TACR2: variants seen among roughly 807,000 people sequenced by gnomAD.
TACR2 encodes the protein substance-K receptor.
TACR2 carries 24 observed loss-of-function variants against 28.9 expected under a neutral mutation model. The ratio of observed to expected loss-of-function variants is 0.83; its 90% CI spans 0.60 to 1.17. TACR2 has a LOEUF of 1.17. Among genes scored for constraint, TACR2 ranks in the 50% most tolerant of loss-of-function variants. TACR2 has a pLI of 0.00. For missense variants in TACR2, 487 were observed against 524.4 expected (o/e 0.93, Z 0.70); for synonymous variants, 222 against 212.6 (o/e 1.04, Z -0.38).
chr10:69,408,454 A>AT (rs372162205), intron 3 of TACR2, among the ~76,000 whole-genome samples: 43 of 150,728 alleles, frequency 2.9e-4, no homozygotes, highest in African/African-American at 3.7e-4. Context: ...TGGGAAGTTA[A>AT]TTTTTTTTTG....
chr10:69,409,116 G>A, intron 2 of TACR2, 41 bp from the exon 3 acceptor site: 6 of 1,502,192 alleles, frequency 4.0e-6, no homozygotes, highest in South Asian at 3.9e-5. Flanking sequence ...AGGGCCCGGG[G>A]GCGACTCCGA....
chr10:69,409,771 G>A (rs1549801), intron 2 of TACR2, among the ~76,000 whole-genome samples: 88,410 of 150,206 alleles, frequency 0.59, 26,914 homozygotes, highest in African/African-American at 0.72. Context: ...AGAATTCAGT[G>A]CTATCTGAAG....
At position 69,404,250 on chromosome 10, in the gene TACR2, G is replaced by T. The variant is rs1400008527; in HGVS notation, c.*576C>A. ...TCTGAAGTGCTCTCTGAGATGGGTG[G>T]CTGAGTCCTCTTAAAGTCAGCATCC... On this transcript the variant is annotated 3_prime_UTR_variant, in exon 5 of 5. Transcript: ENST00000373306. 8.5e-5 allele frequency: 13 copies of T among 152,226 alleles called. No homozygotes were observed. The highest frequency in any genetic ancestry group is 6.5e-4 in the Admixed American group (10 of 15,284). The allele number at this position is 152,226 out of a possible 1,614,324, so 9.4% of individuals were successfully genotyped here. A position where few individuals can be genotyped will look rare whatever the true frequency, so the allele number is the denominator to read the frequency against.
chr10:69,409,925 A>ATATG (rs1554827813), intron 2 of TACR2, among the ~76,000 whole-genome samples: 3 of 74,692 alleles, frequency 4.0e-5, no homozygotes, highest in African/African-American at 6.1e-5. Context: ...ATATATATAT[A>ATATG]TATATATATA....
intron 2 of TACR2, among the ~76,000 whole-genome samples, chr10:69,412,278 C>T (rs1213211309): frequency 6.6e-6 from 1 of 152,190 alleles, no homozygotes; most frequent in Non-Finnish European, 1.5e-5. Flanking sequence ...GTAAATCTCT[C>T]TCCTAAAGTC....
intron 4 of TACR2, 50 bp downstream of exon 4, chr10:69,407,034 T>C (rs372537697): frequency 1.9e-6 from 3 of 1,594,990 alleles, no homozygotes; most frequent in Non-Finnish European, 2.6e-6. Context: ...CACCTGGGGC[T>C]GGGCAGTGGG....
chr10:69,413,183 A>T (rs1840583159), intron 2 of TACR2, among the ~76,000 whole-genome samples: 1 of 152,134 alleles, frequency 6.6e-6, no homozygotes, highest in Non-Finnish European at 1.5e-5. Context: ...AATTACACAC[A>T]GTTACATGAG....
At chr10:69,409,150 G>C (rs572420812) in intron 2 of TACR2, 75 bp from the exon 3 acceptor site, 2 of 1,394,148 alleles carry the variant, frequency 1.4e-6, no homozygotes, top group Non-Finnish European at 1.9e-6. Context: ...CTGGTCCTGG[G>C]ACCCCGCGGG....
chr10:69,415,266 G>T, intron 1 of TACR2, 127 bp from the exon 2 acceptor site: 1 of 1,067,238 alleles, frequency 9.4e-7, no homozygotes, highest in Non-Finnish European at 1.3e-6. Context: ...GCCATCTGCT[G>T]ATATCATAGT....
intron 1 of TACR2, among the ~76,000 whole-genome samples, chr10:69,415,594 C>A (rs768019540): frequency 2.0e-5 from 3 of 152,158 alleles, no homozygotes; most frequent in African/African-American, 7.2e-5. Context: ...TAAGACATAT[C>A]TTTGGAGTGA....
At chr10:69,411,581 A>G (rs1468015175) in intron 2 of TACR2, among the ~76,000 whole-genome samples, 1 of 152,018 alleles carries the variant, frequency 6.6e-6, no homozygotes, top group Non-Finnish European at 1.5e-5. Context: ...CTATTGTAAA[A>G]CCTAAGATCA....
At chr10:69,406,786 C>T (rs1840505703) in intron 4 of TACR2, among the ~76,000 whole-genome samples, 1 of 152,178 alleles carries the variant, frequency 6.6e-6, no homozygotes, top group Non-Finnish European at 1.5e-5. Flanking sequence ...TCCCTTCTCT[C>T]TTCTCTTGCC....
At chr10:69,409,886 TATACATATATATATATAC>T (rs1392416532) in intron 2 of TACR2, among the ~76,000 whole-genome samples, 1,251 of 13,368 alleles carry the variant, frequency 0.094, 43 homozygotes, top group African/African-American at 0.27. Flanking sequence ...TATATACATA[TATACATATATATATATAC>T]ATATATATAT....
At chr10:69,409,859 GTATATGTA>G (rs1840545670) in intron 2 of TACR2, among the ~76,000 whole-genome samples, 1 of 70,054 alleles carries the variant, frequency 1.4e-5, no homozygotes. Context: ...ATATGTATAT[GTATATGTA>G]TATATATATA....
intron 2 of TACR2, among the ~76,000 whole-genome samples, chr10:69,412,558 TGAC>T (rs1452013862): frequency 6.6e-6 from 1 of 152,198 alleles, no homozygotes; most frequent in African/African-American, 2.4e-5. Context: ...GATTTAATCA[TGAC>T]CAAATTTCCC....
rs1589605389 is a variant in TACR2 at position 69,416,470 on chromosome 10, G to A, written c.-147C>T. 9.9e-6 allele frequency: 11 copies of A among 1,116,454 alleles called. No individual in the cohort carries two copies. The East Asian group carries it at 2.8e-4, about 28-fold the overall frequency. The allele number at this position is 1,116,454 out of a possible 1,614,324, so 69.2% of individuals were successfully genotyped here. On this transcript the variant is annotated 5_prime_UTR_variant, in exon 1 of 5. Coordinates refer to ENST00000373306, the MANE Select transcript of TACR2 (RefSeq NM_001057.3). ...GTGGTGGCACATCAGGAGAGCCTGG[G>A]GCCACTCCTAGGTCTCAGGCAAAGA...
Position 69,407,271 on chromosome 10 carries a change from T to G in TACR2, c.751A>C (p.Thr251Pro). The G allele has an allele frequency of 1.2e-6, 2 of 1,611,254 alleles. No individual in the cohort carries two copies. The highest frequency in any genetic ancestry group is 1.7e-6 in the Non-Finnish European group (2 of 1,178,740). ...AACGTCAGCACCACCAGCACCATGG[T>G]CTTCACAAACTGGTCCAGGAGAGGC... is the stretch of plus-strand genomic sequence containing the variant. ...HLQAMKKFVK[T>P]MVLVVLTFAI... is the part of the protein sequence containing the mutation. Residue 251 changes from threonine (T) to proline (P), a missense_variant, in exon 4 of 5, where the codon ACC becomes CCC. Transcript: ENST00000373306.
At chr10:69,415,676 TC>T (rs1840609043) in intron 1 of TACR2, among the ~76,000 whole-genome samples, 1 of 152,076 alleles carries the variant, frequency 6.6e-6, no homozygotes, top group Non-Finnish European at 1.5e-5. Flanking sequence ...ATTGCCCACT[TC>T]CCCTACAGAC....
Position 69,416,177 on chromosome 10 carries a change from C to A in TACR2, c.147G>T (p.Thr49=), listed in dbSNP as rs200043656. ...TGATCCAGATGACGATGGCATTACCCGTCACGGCCACCAGCACCAGGGCCA... is the reference window on the plus strand; with the variant it reads ...TGATCCAGATGACGATGGCATTACCAGTCACGGCCACCAGCACCAGGGCCA... ...AYLALVLVAV[T]GNAIVIWIIL... is the part of the protein sequence containing the mutation. Residue 49 remains threonine (T), a synonymous_variant, in exon 1 of 5, where the codon ACG becomes ACT. Coordinates refer to ENST00000373306, the MANE Select transcript of TACR2 (RefSeq NM_001057.3). The A allele has an allele frequency of 6.2e-7, 1 of 1,614,190 alleles. No homozygotes were observed. Among genetic ancestry groups the A allele is most frequent in the Admixed American group, 1.7e-5 (1 of 60,020 alleles).
Sources: gnomAD v4.1 joint callset for allele counts (sites outside exome capture counted in the v4.1 genomes callset) on GRCh38, gnomAD v4.1.1 for gene constraint, MANE v1.5 for transcripts, NCBI Gene and HGNC (gene_info 2026-07-23, HGNC 2026-07-21) for gene names.